Variants in LRMDA observed in about 807,000 individuals in gnomAD.
LRMDA encodes leucine rich melanocyte differentiation associated.
In LRMDA, 18 loss-of-function variants were observed where a neutral mutation model predicts 29.8. The observed-to-expected ratio is 0.60, with a 90% CI of 0.42 to 0.90. LRMDA has a LOEUF of 0.90. Ranked by LOEUF, LRMDA falls within the 40% of genes least tolerant of loss-of-function variation. The pLI, the probability that LRMDA is intolerant of heterozygous loss-of-function variation, is 0.00. For missense variants in LRMDA, 273 were observed against 273.9 expected (o/e 1.00, Z 0.02); for synonymous variants, 125 against 109.4 (o/e 1.14, Z -0.89).
intron 2 of LRMDA, among the ~76,000 whole-genome samples, chr10:76,003,762 G>A (rs1332743785): frequency 1.3e-5 from 2 of 152,170 alleles, no homozygotes; most frequent in Non-Finnish European, 2.9e-5. Flanking sequence ...GGGGGAGGAA[G>A]AAGCCAGTCA....
At chr10:76,118,844 T>TA (rs1423674176) in intron 5 of LRMDA, among the ~76,000 whole-genome samples, 1 of 141,266 alleles carries the variant, frequency 7.1e-6, no homozygotes, top group Admixed American at 6.9e-5. Context: ...AATACACTTT[T>TA]TTTTTTTTTT....
chr10:76,353,266 T>C (rs1377220157), intron 6 of LRMDA, among the ~76,000 whole-genome samples: 2 of 152,006 alleles, frequency 1.3e-5, no homozygotes, highest in African/African-American at 2.4e-5. Flanking sequence ...AGAACTTTTT[T>C]TGGGAATGGC....
chr10:76,258,090 A>T (rs1020145651), intron 5 of LRMDA, among the ~76,000 whole-genome samples: 1 of 152,232 alleles, frequency 6.6e-6, no homozygotes, highest in Admixed American at 6.5e-5. Flanking sequence ...GGGGTGGAGA[A>T]CCAGACTCTA....
At chr10:75,816,329 G>C (rs1021917268) in intron 2 of LRMDA, among the ~76,000 whole-genome samples, 7 of 152,152 alleles carry the variant, frequency 4.6e-5, no homozygotes, top group African/African-American at 1.7e-4. Context: ...TCAAGGACTA[G>C]AGCTGCCCTT....
chr10:75,766,552 G>A, intron 2 of LRMDA, among the ~76,000 whole-genome samples: 1 of 152,078 alleles, frequency 6.6e-6, no homozygotes, highest in East Asian at 1.9e-4. Context: ...GGATTTGCAT[G>A]CTGTTCTTTT....
intron 2 of LRMDA, among the ~76,000 whole-genome samples, chr10:75,834,804 G>A (rs563384141): frequency 1.3e-5 from 2 of 152,290 alleles, no homozygotes; most frequent in African/African-American, 4.8e-5. Flanking sequence ...CTAATAGTCT[G>A]TTGATGATGA....
intron 6 of LRMDA, among the ~76,000 whole-genome samples, chr10:76,521,109 G>T (rs944976194): frequency 3.3e-5 from 5 of 149,952 alleles, no homozygotes; most frequent in African/African-American, 1.2e-4. Flanking sequence ...TTTCTCTGTT[G>T]CTCCATTCTA....
intron 2 of LRMDA, among the ~76,000 whole-genome samples, chr10:75,691,199 C>T (rs188642755): frequency 4.8e-4 from 59 of 123,908 alleles, no homozygotes; most frequent in Admixed American, 3.5e-3. Context: ...GATATATATA[C>T]ACACACACAC....
chr10:75,451,200 A>G (rs1844456360), intron 2 of LRMDA: 1 of 152,228 alleles, frequency 6.6e-6, no homozygotes, highest in Non-Finnish European at 1.5e-5. Context: ...TGAAACTGTC[A>G]CGCATTAATA....
rs751974794 is a variant in LRMDA at position 75,438,472 on chromosome 10, G to A, written c.109G>A (p.Asp37Asn). ...CTGTGGACATTTCGCAAAGAGGCTTGATCTGAGCTTTAACCTTCTGAGGTA... is the reference window on the plus strand; with the variant it reads ...CTGTGGACATTTCGCAAAGAGGCTTAATCTGAGCTTTAACCTTCTGAGGTA... ...RDCGHFAKRL[D>N]LSFNLLRSLE... The change falls in exon 2 of 7, where the codon GAT becomes AAT. Residue 37 changes from aspartate to asparagine, a missense_variant. By Grantham distance (23) the Asp-to-Asn change is conservative. Coordinates refer to ENST00000611255, the MANE Select transcript of LRMDA (RefSeq NM_001305581.2). 43 of 1,550,638 alleles carry A rather than the reference G, an allele frequency of 2.8e-5. No homozygotes were observed. Among genetic ancestry groups the A allele is most frequent in the Non-Finnish European group, 3.2e-5 (37 of 1,147,028 alleles).
intron 6 of LRMDA, among the ~76,000 whole-genome samples, chr10:76,329,577 C>T (rs2758986): frequency 0.57 from 86,093 of 152,128 alleles, 29,021 homozygotes; most frequent in Non-Finnish European, 0.79. Context: ...CTATTGTTGG[C>T]AATCTTGCCA....
chr10:75,433,191 C>G (rs1447901723), intron 1 of LRMDA, among the ~76,000 whole-genome samples: 1 of 152,150 alleles, frequency 6.6e-6, no homozygotes, highest in East Asian at 1.9e-4. Flanking sequence ...GTTCCCTGCC[C>G]CCCAGACCCT....
At chr10:76,047,327 TGGTG>T in intron 4 of LRMDA, 24 bp downstream of exon 4, 2 of 1,583,510 alleles carry the variant, frequency 1.3e-6, no homozygotes, top group Non-Finnish European at 8.6e-7. Flanking sequence ...GGTTGGACCA[TGGTG>T]GGAAAAGGGA....
intron 2 of LRMDA, among the ~76,000 whole-genome samples, chr10:75,673,845 A>G (rs1176979405): frequency 6.6e-6 from 1 of 152,050 alleles, no homozygotes; most frequent in African/African-American, 2.4e-5. Flanking sequence ...TTCTCTCTCA[A>G]ACCATTCTCT....
intron 6 of LRMDA, among the ~76,000 whole-genome samples, chr10:76,348,859 G>C (rs956764690): frequency 3.9e-5 from 6 of 152,340 alleles, no homozygotes; most frequent in African/African-American, 1.4e-4. Context: ...GCTGTGAAAA[G>C]CCATTTGTAT....
In LRMDA at chr10:76,047,211, A is replaced by T. The variant is rs779459762; in HGVS notation, c.306A>T (p.Pro102=). 1.9e-6 allele frequency: 3 copies of T among 1,613,990 alleles called. No individual in the cohort carries two copies. Among genetic ancestry groups the T allele is most frequent in the Admixed American group, 1.7e-5 (1 of 59,998 alleles). The part of the protein sequence containing the change: ...NLLDHLAEVT[P]ALEYLSLLGN... ...TGGATCACTTGGCAGAAGTGACACC[A>T]GCTCTGGAGTACCTCAGTCTGCTGG... Residue 102 remains proline (P), a synonymous_variant, in exon 4 of 7, where the codon CCA becomes CCT. Transcript: ENST00000611255.
At chr10:75,733,387 G>T (rs146233485) in intron 2 of LRMDA, among the ~76,000 whole-genome samples, 58 of 152,294 alleles carry the variant, frequency 3.8e-4, no homozygotes, top group African/African-American at 1.2e-3. Flanking sequence ...GAAGGAGTTC[G>T]TATGGTTCAT....
At chr10:76,451,470 G>T (rs1172080974) in intron 6 of LRMDA, among the ~76,000 whole-genome samples, 1 of 152,076 alleles carries the variant, frequency 6.6e-6, no homozygotes, top group Non-Finnish European at 1.5e-5. Context: ...CTCCCAAAGT[G>T]CTGGGATTAC....
chr10:75,768,740 G>A (rs943752714), intron 2 of LRMDA, among the ~76,000 whole-genome samples: 2 of 152,130 alleles, frequency 1.3e-5, no homozygotes, highest in African/African-American at 4.8e-5. Flanking sequence ...GTGGCTCTTT[G>A]TGGTTCTTTA....
Sources: gnomAD v4.1 joint callset for allele counts (sites outside exome capture counted in the v4.1 genomes callset) on GRCh38, gnomAD v4.1.1 for gene constraint, MANE v1.5 for transcripts, NCBI Gene and HGNC (gene_info 2026-07-23, HGNC 2026-07-21) for gene names.